USP34: variants seen among roughly 807,000 people sequenced by gnomAD.
The protein encoded by USP34 is ubiquitin carboxyl-terminal hydrolase 34.
USP34 carries 70 observed loss-of-function variants against 460.3 expected under a neutral mutation model. The ratio of observed to expected loss-of-function variants is 0.15; its 90% CI spans 0.13 to 0.19. The LOEUF (loss-of-function observed/expected upper bound fraction) is 0.19, where lower values mean the gene tolerates loss of function less well. Among genes scored for constraint, USP34 ranks in the 10% least tolerant of loss-of-function variants. The pLI is 1.00. For synonymous variants in USP34, 1,647 were observed against 1,405.3 expected (o/e 1.17, Z -3.85); for missense variants, 3,985 against 4,236.2 (o/e 0.94, Z 1.65).
chr2:61,378,739 T>G (rs1264062618), intron 7 of USP34, among the ~76,000 whole-genome samples: 1 of 151,578 alleles, frequency 6.6e-6, no homozygotes, highest in Non-Finnish European at 1.5e-5. Flanking sequence ...AATCTCCATC[T>G]CTATTAAAAA....
intron 16 of USP34, among the ~76,000 whole-genome samples, chr2:61,342,221 T>C (rs566263683): frequency 1.3e-5 from 2 of 152,100 alleles, no homozygotes; most frequent in South Asian, 4.2e-4. Flanking sequence ...AGGTATGTAG[T>C]AGTGCCTCAC....
At chr2:61,331,790 T>A (rs2593632) in intron 19 of USP34, among the ~76,000 whole-genome samples, 111,757 of 151,572 alleles carry the variant, frequency 0.74, 42,295 homozygotes, top group African/African-American at 0.88. Context: ...AAATTTTTTT[T>A]AAAAAAATCA....
intron 55 of USP34, 29 bp from the exon 56 acceptor site, chr2:61,236,102 T>G: frequency 4.4e-6 from 7 of 1,596,304 alleles, no homozygotes; most frequent in Non-Finnish European, 6.0e-6. Context: ...CAAAAAAGCT[T>G]CAATCATTTT....
At chr2:61,438,832 A>G (rs1317961994) in intron 1 of USP34, among the ~76,000 whole-genome samples, 1 of 152,206 alleles carries the variant, frequency 6.6e-6, no homozygotes, top group Non-Finnish European at 1.5e-5. Flanking sequence ...AAGACAAAGT[A>G]GTTCTGGGCA....
intron 74 of USP34, 59 bp from the exon 75 acceptor site, chr2:61,203,322 T>TGTGCAA (rs2103767730): frequency 7.3e-7 from 1 of 1,372,862 alleles, no homozygotes; most frequent in African/African-American, 1.5e-5. Context: ...GAGCATATTT[T>TGTGCAA]GTGCAAATGT....
chr2:61,353,700 G>C (rs1271076976), intron 10 of USP34, among the ~76,000 whole-genome samples: 2 of 151,914 alleles, frequency 1.3e-5, no homozygotes, highest in African/African-American at 4.8e-5. Flanking sequence ...CAAAGTGCTA[G>C]GATTACAGGT....
intron 75 of USP34, among the ~76,000 whole-genome samples, chr2:61,193,689 T>G (rs1445778884): frequency 6.6e-6 from 1 of 152,200 alleles, no homozygotes; most frequent in East Asian, 1.9e-4. Flanking sequence ...CTAAATGAAT[T>G]TCCCATCTTC....
chr2:61,376,603 G>T (rs1243272946), intron 8 of USP34, among the ~76,000 whole-genome samples: 1 of 152,160 alleles, frequency 6.6e-6, no homozygotes, highest in Non-Finnish European at 1.5e-5. Flanking sequence ...GGGGTGAGGG[G>T]ACACAGGATG....
intron 35 of USP34, among the ~76,000 whole-genome samples, chr2:61,283,902 A>G (rs914930194): frequency 2.1e-5 from 3 of 142,802 alleles, no homozygotes; most frequent in African/African-American, 7.5e-5. Flanking sequence ...AGAGTAGAAT[A>G]ATGGTTACCA....
intron 65 of USP34, 174 bp from the exon 66 acceptor site, chr2:61,221,780 G>A: frequency 1.9e-6 from 1 of 515,614 alleles, no homozygotes; most frequent in East Asian, 3.4e-5. Context: ...GGATCAGCGA[G>A]GGGTACAAAG....
chr2:61,284,262 A>C (rs1366648059), intron 35 of USP34, among the ~76,000 whole-genome samples: 1 of 152,078 alleles, frequency 6.6e-6, no homozygotes, highest in East Asian at 1.9e-4. Flanking sequence ...AAACTTTAAG[A>C]CTCCTTTAAA....
At chr2:61,242,894 T>A (rs1438448848) in intron 51 of USP34, among the ~76,000 whole-genome samples, 6 of 152,060 alleles carry the variant, frequency 3.9e-5, no homozygotes, top group Non-Finnish European at 8.8e-5. Flanking sequence ...TCTCCCAGGC[T>A]GGAGTGAAAT....
At position 61,241,548 on chromosome 2, in the gene USP34, A is replaced by G. The variant is rs1335018462; in HGVS notation, c.6777+12T>C. 1 of 1,577,612 alleles carries G rather than the reference A, an allele frequency of 6.3e-7. No homozygotes were observed. Among genetic ancestry groups the G allele is most frequent in the Non-Finnish European group, 8.6e-7 (1 of 1,161,570 alleles). On this transcript the variant is annotated intron_variant, in intron 53 of 79. Transcript: ENST00000398571. ...ATTTTTAAAATGTTGCTCAAATGAA[A>G]TTAACTTATACCTCTAGTAACTCTG...
chr2:61,328,588 T>C (rs189148089), intron 20 of USP34, among the ~76,000 whole-genome samples: 70 of 152,290 alleles, frequency 4.6e-4, no homozygotes, highest in Non-Finnish European at 7.5e-4. Context: ...TTTATTCTCC[T>C]AGGATGGCAG....
At chr2:61,277,022 A>T (rs1322167536) in intron 41 of USP34, among the ~76,000 whole-genome samples, 2 of 152,188 alleles carry the variant, frequency 1.3e-5, no homozygotes, top group African/African-American at 2.4e-5. Context: ...TTTAATCAAG[A>T]GACAATCAAA....
intron 3 of USP34, among the ~76,000 whole-genome samples, chr2:61,404,018 A>AC (rs1693796478): frequency 6.8e-6 from 1 of 147,372 alleles, no homozygotes; most frequent in Admixed American, 6.8e-5. Flanking sequence ...AAAAAAAAAA[A>AC]GCTTTAGAAC....
At chr2:61,278,057 G>A (rs1344860105) in intron 41 of USP34, 108 bp downstream of exon 41, 8 of 1,338,144 alleles carry the variant, frequency 6.0e-6, no homozygotes, top group Non-Finnish European at 8.1e-6. Flanking sequence ...AAACTGCCCA[G>A]TCTCGGGTAT....
intron 10 of USP34, among the ~76,000 whole-genome samples, chr2:61,369,318 G>A (rs1349956434): frequency 1.3e-5 from 2 of 152,166 alleles, no homozygotes; most frequent in Non-Finnish European, 2.9e-5. Context: ...GAATGTGTTA[G>A]AAGTTACTTA....
At chr2:61,389,092 T>C (rs1693262127) in intron 5 of USP34, among the ~76,000 whole-genome samples, 1 of 152,216 alleles carries the variant, frequency 6.6e-6, no homozygotes, top group Non-Finnish European at 1.5e-5. Context: ...TTGTAGTGTT[T>C]AGGGATATAA....
Sources: gnomAD v4.1 joint callset for allele counts (sites outside exome capture counted in the v4.1 genomes callset) on GRCh38, gnomAD v4.1.1 for gene constraint, MANE v1.5 for transcripts, NCBI Gene and HGNC (gene_info 2026-07-23, HGNC 2026-07-21) for gene names.